RPRD1A: variants seen among roughly 807,000 people sequenced by gnomAD.
The protein encoded by RPRD1A is regulation of nuclear pre-mRNA domain containing 1A, also known as regulation of nuclear pre-mRNA domain-containing protein 1A.
Under a neutral mutation model 37.8 loss-of-function variants are expected in RPRD1A, and 9 were observed. That is an observed-to-expected ratio of 0.24 (90% CI 0.14 to 0.42). RPRD1A has a LOEUF of 0.42. RPRD1A is among the 10% of genes least tolerant of loss of function. The probability of loss-of-function intolerance (pLI) is 1.00; values close to 1 mark genes in which losing one functional copy is unlikely to be tolerated. For missense variants in RPRD1A, 255 were observed against 371.0 expected (o/e 0.69, Z 2.57); for synonymous variants, 138 against 139.7 (o/e 0.99, Z 0.08).
In RPRD1A at chr18:35,990,707, CCT is replaced by C. The variant is rs1441360785; in HGVS notation, c.*2442_*2443del. The C allele has an allele frequency of 6.6e-6, 1 of 152,168 alleles. No individual in the cohort carries two copies. The highest frequency in any genetic ancestry group is 1.5e-5 in the Non-Finnish European group (1 of 68,026). 9.4% of individuals were successfully genotyped at this position (152,168 alleles called of 1,614,324 possible). A position where few individuals can be genotyped will look rare whatever the true frequency, so the allele number is the denominator to read the frequency against. On this transcript the variant is annotated 3_prime_UTR_variant, in exon 7 of 7. Transcript: ENST00000399022. ...ACTGCACTCAAAGATGCATGATCTG[CCT>C]CAGGTGCACAGTGGAGAAAACGCTC...
chr18:35,998,325 A>G, intron 6 of RPRD1A, among the ~76,000 whole-genome samples: 1 of 152,116 alleles, frequency 6.6e-6, no homozygotes, highest in Admixed American at 6.5e-5. Flanking sequence ...CGTTGCACTC[A>G]AGCATGGGCA....
chr18:36,027,013 A>G lies in RPRD1A; in HGVS notation c.676T>C (p.Tyr226His). 6.2e-7 allele frequency: 1 copy of G among 1,614,032 alleles called. No homozygotes were observed. The highest frequency in any genetic ancestry group is 8.5e-7 in the Non-Finnish European group (1 of 1,179,896). ...ATTTCTGCCGCCAATCTGCCATTGT[A>G]ATCTGCCAGCAACATACACGCATCC... ...VEDACMLLAD[Y>H]NGRLAAEIDD... is the part of the protein sequence containing the mutation. The change falls in exon 6 of 7, where the codon TAC becomes CAC. Residue 226 changes from tyrosine (Y) to histidine (H), a missense_variant. Physicochemically the swap from Tyr to His is moderately conservative, Grantham distance 83. Transcript: ENST00000399022.
At chr18:36,058,645 T>C (rs1028895712) in intron 1 of RPRD1A, among the ~76,000 whole-genome samples, 5 of 152,210 alleles carry the variant, frequency 3.3e-5, no homozygotes, top group African/African-American at 1.2e-4. Context: ...TAGAGGGATA[T>C]GTCTGCTTAA....
intron 6 of RPRD1A, among the ~76,000 whole-genome samples, chr18:36,016,172 T>C (rs775432589): frequency 3.3e-5 from 5 of 152,192 alleles, no homozygotes; most frequent in South Asian, 2.1e-4. Flanking sequence ...ATCAACAATA[T>C]GTTAAGAGTT....
chr18:36,043,858 G>A (rs1336814032), intron 1 of RPRD1A, among the ~76,000 whole-genome samples: 1 of 152,080 alleles, frequency 6.6e-6, no homozygotes, highest in Non-Finnish European at 1.5e-5. Context: ...AACAATTGGG[G>A]GTAAAGGGGT....
intron 6 of RPRD1A, among the ~76,000 whole-genome samples, chr18:36,002,188 CA>C (rs1156722018): frequency 1.3e-5 from 2 of 152,186 alleles, no homozygotes; most frequent in Non-Finnish European, 2.9e-5. Flanking sequence ...ATTTTTACCT[CA>C]AATATTTATT....
In RPRD1A at chr18:36,067,342, C is replaced by T. The variant is rs758740890; in HGVS notation, c.63G>A (p.Gln21=). 2 of 1,608,346 alleles carry T rather than the reference C, an allele frequency of 1.2e-6. No homozygotes were observed. Among genetic ancestry groups the T allele is most frequent in the Non-Finnish European group, 1.7e-6 (2 of 1,177,582 alleles). Reference sequence around the variant, plus strand: ...GCCACAGGGACAAGGTCTGCACGCTCTGCTGCGAGTTGCTCAACTCCGACA... The same window carrying T: ...GCCACAGGGACAAGGTCTGCACGCTTTGCTGCGAGTTGCTCAACTCCGACA... The part of the protein sequence containing the change: ...KKLSELSNSQ[Q]SVQTLSLWLI... The change falls in exon 1 of 7, where the codon CAG becomes CAA. Residue 21 remains glutamine (Q), a synonymous_variant. Transcript: ENST00000399022.
At chr18:36,067,154 C>T (rs2089047810) in intron 1 of RPRD1A, 100 bp downstream of exon 1, 2 of 1,358,728 alleles carry the variant, frequency 1.5e-6, no homozygotes, top group Non-Finnish European at 9.9e-7. Flanking sequence ...GCTGGCATCC[C>T]GACGCCGGGA....
intron 6 of RPRD1A, among the ~76,000 whole-genome samples, chr18:36,021,609 A>T (rs1945378469): frequency 6.6e-6 from 1 of 152,228 alleles, no homozygotes; most frequent in African/African-American, 2.4e-5. Flanking sequence ...TTAGTGAGGA[A>T]GGCATGTCAA....
At chr18:36,019,154 C>G (rs1910816495) in intron 6 of RPRD1A, among the ~76,000 whole-genome samples, 1 of 137,536 alleles carries the variant, frequency 7.3e-6, no homozygotes, top group Non-Finnish European at 1.5e-5. Flanking sequence ...GTCGCCCAGG[C>G]TGGAGTGCAG....
intron 1 of RPRD1A, among the ~76,000 whole-genome samples, chr18:36,046,240 C>A (rs1376125407): frequency 6.6e-6 from 1 of 152,116 alleles, no homozygotes; most frequent in Non-Finnish European, 1.5e-5. Context: ...CTGTAATGAG[C>A]CCAACATCCC....
chr18:36,049,199 C>A (rs1913190442), intron 1 of RPRD1A, among the ~76,000 whole-genome samples: 1 of 152,202 alleles, frequency 6.6e-6, no homozygotes, highest in Non-Finnish European at 1.5e-5. Context: ...AGCCACCATG[C>A]CCTCCCATGG....
At position 36,067,380 on chromosome 18, in the gene RPRD1A, G is replaced by GAGA; in HGVS notation, c.24_25insTCT (p.Ala8_Leu9insSer). On this transcript the variant is annotated inframe_insertion, in exon 1 of 7. Transcript: ENST00000399022. ...CTCAACTCCGACAGCTTCTTCTCCA[G>GAGA]CGCCGCCTCAGAGAAGGCTGACATC... The GAGA allele has an allele frequency of 1.2e-6, 2 of 1,607,774 alleles. No homozygotes were observed. Among genetic ancestry groups the GAGA allele is most frequent in the Non-Finnish European group, 1.7e-6 (2 of 1,177,356 alleles).
chr18:35,997,666 C>T (rs1909159380), intron 6 of RPRD1A, among the ~76,000 whole-genome samples: 1 of 152,212 alleles, frequency 6.6e-6, no homozygotes, highest in African/African-American at 2.4e-5. Context: ...TCCTCTACTA[C>T]AAATTTTGCT....
intron 6 of RPRD1A, among the ~76,000 whole-genome samples, chr18:36,003,619 G>A (rs945693388): frequency 6.6e-6 from 1 of 152,160 alleles, no homozygotes; most frequent in Non-Finnish European, 1.5e-5. Context: ...AGAAGCAGAA[G>A]TTCTAAGTAA....
intron 1 of RPRD1A, among the ~76,000 whole-genome samples, chr18:36,039,222 C>T (rs1912413679): frequency 6.6e-6 from 1 of 152,164 alleles, no homozygotes; most frequent in African/African-American, 2.4e-5. Flanking sequence ...GGTGCCATGA[C>T]TGTAAGTTTC....
At chr18:36,013,322 G>A (rs953375479) in intron 6 of RPRD1A, among the ~76,000 whole-genome samples, 1 of 152,098 alleles carries the variant, frequency 6.6e-6, no homozygotes, top group South Asian at 2.1e-4. Context: ...CAAAACCATA[G>A]GAAATAGTGA....
rs548593320 is a variant in RPRD1A at position 36,064,930 on chromosome 18, CGGAT to C, written c.151+2320_151+2323del. The stretch of plus-strand genomic sequence containing the variant: ...ATCCACCGAGAGGGACCAACAACTC[CGGAT>C]GGAAGGAACAACTCCAGACGCACTG... On this transcript the variant is annotated intron_variant, in intron 1 of 6. Coordinates refer to ENST00000399022, the MANE Select transcript of RPRD1A (RefSeq NM_018170.5). 5.2e-4 allele frequency among the ~76,000 whole-genome samples: 78 copies of C among 150,246 alleles called. 1 individual carries two copies. The South Asian group carries it at 0.013, about 25-fold the overall frequency.
At chr18:35,998,075 A>G (rs1033242127) in intron 6 of RPRD1A, among the ~76,000 whole-genome samples, 2 of 152,220 alleles carry the variant, frequency 1.3e-5, no homozygotes, top group African/African-American at 4.8e-5. Flanking sequence ...AAACGTAACT[A>G]GGGCTGGGCG....
Sources: gnomAD v4.1 joint callset for allele counts (sites outside exome capture counted in the v4.1 genomes callset) on GRCh38, gnomAD v4.1.1 for gene constraint, MANE v1.5 for transcripts, NCBI Gene and HGNC (gene_info 2026-07-23, HGNC 2026-07-21) for gene names.